SGIP1: variants seen among roughly 807,000 people sequenced by gnomAD.
SGIP1 encodes the protein SH3-containing GRB2-like protein 3-interacting protein 1.
A neutral mutation model predicts 107.5 loss-of-function variants in SGIP1; 38 were observed. The observed-to-expected ratio is 0.35, with a 90% CI of 0.27 to 0.46. SGIP1 has a LOEUF of 0.46. SGIP1 is among the 20% of genes least tolerant of loss of function. The pLI, the probability that SGIP1 is intolerant of heterozygous loss-of-function variation, is 1.00. For synonymous variants in SGIP1, 365 were observed against 366.1 expected (o/e 1.00, Z 0.03); for missense variants, 929 against 1,019.5 (o/e 0.91, Z 1.21).
intron 10 of SGIP1, among the ~76,000 whole-genome samples, chr1:66,671,691 ATCT>A (rs1002962974): frequency 2.0e-5 from 3 of 152,212 alleles, no homozygotes; most frequent in African/African-American, 7.2e-5. Flanking sequence ...CACTATACAA[ATCT>A]TCTATTTGAT....
intron 1 of SGIP1, among the ~76,000 whole-genome samples, chr1:66,556,635 A>G (rs939219355): frequency 2.6e-5 from 4 of 151,922 alleles, no homozygotes; most frequent in Admixed American, 1.3e-4. Context: ...AAGTCTCCAG[A>G]ATCCCCCACC....
chr1:66,577,960 G>A (rs554257518), intron 1 of SGIP1, among the ~76,000 whole-genome samples: 19 of 151,926 alleles, frequency 1.3e-4, no homozygotes, highest in Non-Finnish European at 2.2e-4. Context: ...CACCAAGGTT[G>A]GTTTCTATGA....
Position 66,643,722 on chromosome 1 carries a change from G to T in SGIP1, c.459+3G>T. On this transcript the variant is annotated splice_donor_region_variant and intron_variant, in intron 7 of 24. Transcript: ENST00000371037. ...TCGCACTTTCCCCATCACCAGTGGT[G>T]AGTGTTGTGTGTGTGTGTGTTAAGC... is the stretch of plus-strand genomic sequence containing the variant. 2 of 1,602,624 alleles carry T rather than the reference G, an allele frequency of 1.2e-6. No homozygotes were observed. Among genetic ancestry groups the T allele is most frequent in the South Asian group, 2.2e-5 (2 of 89,168 alleles).
At chr1:66,645,052 A>G (rs561819713) in intron 7 of SGIP1, among the ~76,000 whole-genome samples, 1 of 152,312 alleles carries the variant, frequency 6.6e-6, no homozygotes, top group South Asian at 2.1e-4. Context: ...AATATTTTTT[A>G]CTGAAAATCT....
intron 17 of SGIP1, among the ~76,000 whole-genome samples, chr1:66,693,080 A>T (rs889933556): frequency 1.3e-5 from 2 of 152,062 alleles, no homozygotes; most frequent in African/African-American, 4.8e-5. Flanking sequence ...TACATTAATT[A>T]TTTCAGACAG....
At chr1:66,535,178 C>A (rs992429978) in intron 1 of SGIP1, among the ~76,000 whole-genome samples, 1 of 152,186 alleles carries the variant, frequency 6.6e-6, no homozygotes, top group African/African-American at 2.4e-5. Flanking sequence ...CAGTCTGACA[C>A]TGTGACAGCC....
At chr1:66,732,904 G>A (rs2094080064) in intron 20 of SGIP1, among the ~76,000 whole-genome samples, 1 of 152,186 alleles carries the variant, frequency 6.6e-6, no homozygotes, top group African/African-American at 2.4e-5. Flanking sequence ...TGAACTGTCA[G>A]CAAATGTGTG....
chr1:66,644,062 T>A (rs1357696652), intron 7 of SGIP1: 1 of 158,184 alleles, frequency 6.3e-6, no homozygotes, highest in African/African-American at 2.4e-5. Context: ...AGTTCACAGA[T>A]TTGCTAACAG....
chr1:66,549,133 A>ACCTG (rs200992464), intron 1 of SGIP1, among the ~76,000 whole-genome samples: 3,704 of 122,890 alleles, frequency 0.03, 159 homozygotes, highest in African/African-American at 0.084. Context: ...CCTTCTGGCT[A>ACCTG]CCTGCCTTCC....
intron 18 of SGIP1, among the ~76,000 whole-genome samples, chr1:66,705,350 A>G (rs2092394009): frequency 6.6e-6 from 1 of 152,180 alleles, no homozygotes; most frequent in Non-Finnish European, 1.5e-5. Context: ...GACTTCCCCT[A>G]AGATCTGATT....
At chr1:66,731,614 A>G (rs1198949899) in intron 20 of SGIP1, among the ~76,000 whole-genome samples, 3 of 152,114 alleles carry the variant, frequency 2.0e-5, no homozygotes, top group Admixed American at 6.5e-5. Context: ...GGCTGTGATG[A>G]GTGACCCTTT....
rs528078088 is a variant in SGIP1 at position 66,547,235 on chromosome 1, G to A, written c.10+12867G>A. Among the ~76,000 whole-genome samples the A allele has an allele frequency of 2.0e-5, 3 of 151,716 alleles. No homozygotes were observed. In the South Asian group the frequency reaches 6.2e-4, roughly 32 times the overall value. On this transcript the variant is annotated intron_variant, in intron 1 of 24. Coordinates refer to ENST00000371037, the MANE Select transcript of SGIP1 (RefSeq NM_032291.4). The stretch of plus-strand genomic sequence containing the variant: ...ACAAATGATTTTTTTTTCATTTTTG[G>A]ATACCAGAAGATAAGCACCTTTCCA...
At position 66,630,980 on chromosome 1, in the gene SGIP1, GA is replaced by G. The variant is rs1382174973; in HGVS notation, c.75-2089del. Among the ~76,000 whole-genome samples, 8 of 138,472 alleles carry G rather than the reference GA, an allele frequency of 5.8e-5. 1 individual carries two copies. Among genetic ancestry groups the G allele is most frequent in the Non-Finnish European group, 7.7e-5 (5 of 64,750 alleles). 90.8% of individuals were successfully genotyped at this position (138,472 alleles called of 152,430 possible). A position where few individuals can be genotyped will look rare whatever the true frequency, so the allele number is the denominator to read the frequency against. Reference sequence around the variant, plus strand: ...GAGAAAGAAAGAAAGAGAGGAAAGAGAGGAAGAAGGAAGGAAGGGAAAGGAA... The same window carrying G: ...GAGAAAGAAAGAAAGAGAGGAAAGAGGGAAGAAGGAAGGAAGGGAAAGGAA... On this transcript the variant is annotated intron_variant, in intron 2 of 24. Transcript: ENST00000371037.
chr1:66,597,208 C>G (rs766931771), intron 1 of SGIP1, among the ~76,000 whole-genome samples: 4 of 152,216 alleles, frequency 2.6e-5, no homozygotes, highest in Admixed American at 1.3e-4. Context: ...TCTCTCTCCT[C>G]CCAACCTCCA....
At chr1:66,665,678 T>C (rs560234930) in intron 8 of SGIP1, among the ~76,000 whole-genome samples, 1 of 152,346 alleles carries the variant, frequency 6.6e-6, no homozygotes, top group Admixed American at 6.5e-5. Flanking sequence ...TGGTGTGAGA[T>C]GATATCTCAT....
chr1:66,651,561 C>G (rs2078751161), intron 7 of SGIP1, among the ~76,000 whole-genome samples: 1 of 152,158 alleles, frequency 6.6e-6, no homozygotes, highest in African/African-American at 2.4e-5. Context: ...ATGAAATAAA[C>G]TCTTTGAAGG....
chr1:66,681,962 C>T lies in SGIP1; in HGVS notation c.908C>T (p.Ser303Phe), dbSNP rs761517161. Residue 303 changes from serine to phenylalanine, a missense_variant, in exon 15 of 25, where the codon TCT becomes TTT. Around this residue, in one of 2 missense-constraint regions of SGIP1, gnomAD observed 588 missense variants for 588.6 expected, o/e 1.00. Transcript: ENST00000371037. ...SIFGPVLSPK[S>F]VAVNAEEKWV... ...TTTGGGCCAGTATTGTCCCCCAAGTCTGTTGCTGTTAATGCTGAAGAAAAG... is the reference window on the plus strand; with the variant it reads ...TTTGGGCCAGTATTGTCCCCCAAGTTTGTTGCTGTTAATGCTGAAGAAAAG... 3 of 1,614,114 alleles carry T rather than the reference C, an allele frequency of 1.9e-6. No homozygotes were observed. The highest frequency in any genetic ancestry group is 1.7e-5 in the Admixed American group (1 of 60,012).
At chr1:66,590,411 G>A (rs1242338299) in intron 1 of SGIP1, 1 of 152,140 alleles carries the variant, frequency 6.6e-6, no homozygotes, top group African/African-American at 2.4e-5. Flanking sequence ...GGTTGTATAG[G>A]TGTGGATTCT....
chr1:66,634,211 C>T, intron 3 of SGIP1: 1 of 1,490,780 alleles, frequency 6.7e-7, no homozygotes, highest in Non-Finnish European at 9.2e-7. Context: ...TTGGTCCCCT[C>T]CCTGGGTTCT....
Sources: allele counts gnomAD v4.1 joint callset (sites outside exome capture counted in the v4.1 genomes callset), GRCh38; gene constraint gnomAD v4.1.1; regional missense constraint gnomAD v4.1.1; transcripts MANE v1.5; gene names NCBI Gene and HGNC (gene_info 2026-07-23, HGNC 2026-07-21).